Variants in MYLK4 observed in about 807,000 individuals in gnomAD.
MYLK4 encodes caMLCK like.
A neutral mutation model predicts 48.1 loss-of-function variants in MYLK4; 46 were observed. The ratio of observed to expected loss-of-function variants is 0.96; its 90% CI spans 0.75 to 1.22. The LOEUF is 1.22. Among genes scored for constraint, MYLK4 ranks in the 50% most tolerant of loss-of-function variants. MYLK4 has a pLI of 0.00. For synonymous variants in MYLK4, 170 were observed against 180.8 expected, an observed-to-expected ratio of 0.94 and a Z score of 0.48; for missense variants, 451 against 486.1, an observed-to-expected ratio of 0.93 and a Z score of 0.68.
rs199960114 is a variant in MYLK4 at position 2,671,335 on chromosome 6, C to G, written c.1133G>C (p.Arg378Pro). ...SRLNAQKKKNRGSDAQDFVTK is the reference protein window; with the variant it reads ...SRLNAQKKKNPGSDAQDFVTK The stretch of plus-strand genomic sequence containing the variant: ...CACAAAGTCCTGGGCATCAGAGCCA[C>G]GATTCTTCTTCTTCTAGGGAAAGCA... Residue 378 changes from arginine (R) to proline (P), a missense_variant, in exon 12 of 13, where the codon CGT becomes CCT. By Grantham distance (103) the Arg-to-Pro change is moderately radical. Coordinates refer to ENST00000274643, the MANE Select transcript of MYLK4 (RefSeq NM_001012418.5). The G allele has an allele frequency of 1.2e-5, 20 of 1,613,892 alleles. No individual in the cohort carries two copies. The highest frequency in any genetic ancestry group is 3.3e-5 in the Admixed American group (2 of 60,000).
At chr6:2,712,577 T>A (rs1762712513) in intron 2 of MYLK4, among the ~76,000 whole-genome samples, 2 of 152,326 alleles carry the variant, frequency 1.3e-5, no homozygotes, top group South Asian at 4.1e-4. Context: ...ACAAAAGTCA[T>A]AAGCAATAGC....
At chr6:2,770,034 G>A in the MYLK4 span, 2 of 1,564,114 alleles carry the variant, frequency 1.3e-6, no homozygotes, top group Admixed American at 1.8e-5. Context: ...ATGAGGAAAA[G>A]GAAGGAAGGG....
intron 2 of MYLK4, among the ~76,000 whole-genome samples, chr6:2,703,989 A>G (rs186196858): frequency 6.6e-6 from 1 of 152,080 alleles, no homozygotes; most frequent in Non-Finnish European, 1.5e-5. Flanking sequence ...TGTTCTACCT[A>G]AAGAGGAGTC....
chr6:2,725,555 CAAAGAAAG>C (rs1554131493), intron 2 of MYLK4, among the ~76,000 whole-genome samples: 8 of 89,742 alleles, frequency 8.9e-5, no homozygotes, highest in East Asian at 3.2e-4. Flanking sequence ...AACAAAGAAA[CAAAGAAAG>C]AAAGAAAGAA....
intron 8 of MYLK4, 148 bp downstream of exon 8, chr6:2,680,073 A>T: frequency 1.1e-6 from 1 of 888,350 alleles, no homozygotes; most frequent in Non-Finnish European, 1.7e-6. Flanking sequence ...TCTCAAATTT[A>T]GCAAGTTAAG....
At chr6:2,738,021 A>G (rs1334475225) in intron 2 of MYLK4, among the ~76,000 whole-genome samples, 2 of 141,406 alleles carry the variant, frequency 1.4e-5, no homozygotes, top group East Asian at 4.5e-4. Context: ...CAGATGAGGA[A>G]ATACTTGAGA....
intron 2 of MYLK4, among the ~76,000 whole-genome samples, chr6:2,709,754 G>T (rs993423544): frequency 6.6e-6 from 1 of 152,174 alleles, no homozygotes; most frequent in Non-Finnish European, 1.5e-5. Context: ...TGTGCTAAAT[G>T]GAAAGTGAAT....
chr6:2,764,225 A>G, the MYLK4 span, among the ~76,000 whole-genome samples: 1 of 152,154 alleles, frequency 6.6e-6, no homozygotes, highest in African/African-American at 2.4e-5. Context: ...TATTAATCTT[A>G]TTTTTGAGCC....
intron 8 of MYLK4, 118 bp downstream of exon 8, chr6:2,680,103 A>T: frequency 8.3e-7 from 1 of 1,200,592 alleles, no homozygotes; most frequent in Non-Finnish European, 1.1e-6. Context: ...AATTTTTGTT[A>T]AATTAATTAT....
chr6:2,691,065 C>T (rs1159494610), intron 3 of MYLK4, among the ~76,000 whole-genome samples: 4 of 152,048 alleles, frequency 2.6e-5, no homozygotes, highest in Non-Finnish European at 4.4e-5. Context: ...CTCCTGACCT[C>T]GTGATCCAAC....
rs1036920730 is a variant in MYLK4 at position 2,672,420 on chromosome 6, GA to G, written c.1120-1073del. Among the ~76,000 whole-genome samples the G allele has an allele frequency of 3.3e-5, 5 of 150,798 alleles. No homozygotes were observed. The highest frequency in any genetic ancestry group is 3.4e-3 in the Middle Eastern group (1 of 294). On this transcript the variant is annotated intron_variant, in intron 11 of 12. Transcript: ENST00000274643. The surrounding 1 kb of genome is among the most constrained non-coding windows in gnomAD (Gnocchi z 4.3). ...AGAACTCTCGGATGTTAACTTCTAA[GA>G]AAAAAAAATCCTTCTTAAATTTAGT... is the stretch of plus-strand genomic sequence containing the variant.
At chr6:2,671,228 A>G (rs1760881136) in intron 12 of MYLK4, 48 bp downstream of exon 12, 12 of 1,257,748 alleles carry the variant, frequency 9.5e-6, no homozygotes, top group Admixed American at 5.3e-5. Context: ...TCTTATTCCT[A>G]TCTCTTAAGG....
chr6:2,731,060 A>G (rs1561872585), intron 2 of MYLK4, among the ~76,000 whole-genome samples: 1 of 152,196 alleles, frequency 6.6e-6, no homozygotes, highest in Non-Finnish European at 1.5e-5. Flanking sequence ...TTTAAAAAAA[A>G]GATTTAAAAG....
intron 8 of MYLK4, among the ~76,000 whole-genome samples, chr6:2,679,680 A>G (rs2113114082): frequency 6.6e-6 from 1 of 152,374 alleles, no homozygotes; most frequent in Admixed American, 6.5e-5. Context: ...TCTGAATTAC[A>G]GAAGATGACA....
the MYLK4 span, among the ~76,000 whole-genome samples, chr6:2,756,051 G>C: frequency 6.6e-6 from 1 of 151,998 alleles, no homozygotes; most frequent in African/African-American, 2.4e-5. Context: ...AATAACTTGT[G>C]GGAATTTATA....
chr6:2,765,115 A>G, the MYLK4 span, among the ~76,000 whole-genome samples: 2 of 150,060 alleles, frequency 1.3e-5, no homozygotes, highest in East Asian at 3.9e-4. Flanking sequence ...CGCGACTCGC[A>G]GGCCTGGGCG....
rs1310458264 is a variant in MYLK4, at chr6:2,688,148, T to TC, written c.341+702dup. Reference sequence around the variant, plus strand: ...ATCTCGGCTCACTGCAGCCTCCAACTCCCTGGTTCAAGCGATTCTCCTGCC... The same window carrying TC: ...ATCTCGGCTCACTGCAGCCTCCAACTCCCCTGGTTCAAGCGATTCTCCTGCC... On this transcript the variant is annotated intron_variant, in intron 4 of 12. Transcript: ENST00000274643. Among the ~76,000 whole-genome samples, 8 of 151,950 alleles carry TC rather than the reference T, an allele frequency of 5.3e-5. No individual in the cohort carries two copies. The South Asian group carries it at 1.7e-3, about 32-fold the overall frequency.
chr6:2,760,396 G>T, the MYLK4 span, among the ~76,000 whole-genome samples: 1 of 152,208 alleles, frequency 6.6e-6, no homozygotes, highest in East Asian at 1.9e-4. Flanking sequence ...TCACAACCAG[G>T]AAGCTCCACT....
chr6:2,689,612 G>A (rs1260020665), intron 3 of MYLK4, among the ~76,000 whole-genome samples: 1 of 152,154 alleles, frequency 6.6e-6, no homozygotes, highest in Non-Finnish European at 1.5e-5. Flanking sequence ...ATCAGCACCA[G>A]CTCTAACATA....
Sources: allele counts gnomAD v4.1 joint callset (sites outside exome capture counted in the v4.1 genomes callset), GRCh38; gene constraint gnomAD v4.1.1; non-coding constraint Gnocchi (gnomAD v3.1); transcripts MANE v1.5; gene names NCBI Gene and HGNC (gene_info 2026-07-23, HGNC 2026-07-21).